Variants in MYO7B observed in about 807,000 individuals in gnomAD.
MYO7B encodes the protein myosin VIIB.
MYO7B carries 212 observed loss-of-function variants against 259.7 expected under a neutral mutation model. The ratio of observed to expected loss-of-function variants is 0.82; its 90% CI spans 0.73 to 0.91. The LOEUF (loss-of-function observed/expected upper bound fraction) is 0.91. Among genes scored for constraint, MYO7B ranks in the 40% least tolerant of loss-of-function variants. The probability of loss-of-function intolerance (pLI) is 0.00; values close to 1 mark genes in which losing one functional copy is unlikely to be tolerated. For synonymous variants in MYO7B, 1,197 were observed against 1,166.4 expected, an observed-to-expected ratio of 1.03 and a Z score of -0.54; for missense variants, 2,732 against 2,813.5, an observed-to-expected ratio of 0.97 and a Z score of 0.66.
chr2:127,605,772 C>T, intron 19 of MYO7B, 72 bp from the exon 20 acceptor site: 2 of 1,354,704 alleles, frequency 1.5e-6, no homozygotes, highest in South Asian at 2.5e-5. Context: ...CCTTCCAAAC[C>T]AGTTTTTCTC....
intron 3 of MYO7B, 64 bp from the exon 4 acceptor site, chr2:127,565,169 G>C: frequency 6.4e-7 from 1 of 1,559,136 alleles, no homozygotes; most frequent in Non-Finnish European, 8.7e-7. Context: ...GGAGGGGAGG[G>C]TGTGGCAGGC....
intron 26 of MYO7B, among the ~76,000 whole-genome samples, chr2:127,616,682 C>T (rs529910121): frequency 6.6e-6 from 1 of 152,232 alleles, no homozygotes; most frequent in Non-Finnish European, 1.5e-5. Context: ...GAGATCCAAT[C>T]CTGCATTTCC....
Position 127,607,519 on chromosome 2 carries a change from C to A in MYO7B, c.2643+95C>A. On this transcript the variant is annotated intron_variant, in intron 21 of 47. Coordinates refer to ENST00000409816, the MANE Select transcript of MYO7B (RefSeq NM_001393586.1). The surrounding 1 kb of genome is among the most constrained non-coding windows in gnomAD (Gnocchi z 4.4). Reference sequence around the variant, plus strand: ...GTGAGCGGCTGTGTAGAGAGCTCACCAGAAGCGCTTTGGAAAATCCCCCCG... The same window carrying A: ...GTGAGCGGCTGTGTAGAGAGCTCACAAGAAGCGCTTTGGAAAATCCCCCCG... The A allele has an allele frequency of 9.0e-7, 1 of 1,110,374 alleles. No individual in the cohort carries two copies. The highest frequency in any genetic ancestry group is 1.3e-6 in the Non-Finnish European group (1 of 785,594). 68.8% of individuals were successfully genotyped at this position (1,110,374 alleles called of 1,614,324 possible). A position where few individuals can be genotyped will look rare whatever the true frequency, so the allele number is the denominator to read the frequency against.
At chr2:127,545,944 G>T (rs570279481) in intron 1 of MYO7B, among the ~76,000 whole-genome samples, 1 of 152,346 alleles carries the variant, frequency 6.6e-6, no homozygotes, top group Non-Finnish European at 1.5e-5. Context: ...CCCAAATTCA[G>T]GGTGTTTGGC....
intron 12 of MYO7B, among the ~76,000 whole-genome samples, chr2:127,583,202 G>A (rs1166751688): frequency 6.6e-6 from 1 of 152,232 alleles, no homozygotes; most frequent in East Asian, 1.9e-4. Context: ...TCTGGGCCCT[G>A]TCTGAGGAGC....
At chr2:127,626,903 A>G in intron 31 of MYO7B, 72 bp from the exon 32 acceptor site, 2 of 1,363,154 alleles carry the variant, frequency 1.5e-6, no homozygotes, top group Non-Finnish European at 2.0e-6. Flanking sequence ...CAACTCTTTT[A>G]CCCTGAGCAC....
chr2:127,578,280 T>C lies in MYO7B; in HGVS notation c.997T>C (p.Phe333Leu), dbSNP rs766590910. ...CATTCTCCACCTGGGGAATGTGGGG[T>C]TCATGGGTAATGCCGGTTCTGCCCC... The part of the protein sequence containing the change: ...AAILHLGNVG[F>L]MASVFENLDA... Residue 333 changes from phenylalanine (F) to leucine (L), a missense_variant, in exon 9 of 48, where the codon TTC becomes CTC. Transcript: ENST00000409816. 15 of 1,611,412 alleles carry C rather than the reference T, an allele frequency of 9.3e-6. No individual in the cohort carries two copies. The Admixed American group carries it at 1.7e-4, about 18-fold the overall frequency.
At position 127,559,479 on chromosome 2, in the gene MYO7B, C is replaced by T. The variant is rs753550099; in HGVS notation, c.-23-221C>T. On this transcript the variant is annotated intron_variant, in intron 1 of 47. Coordinates refer to ENST00000409816, the MANE Select transcript of MYO7B (RefSeq NM_001393586.1). This position sits in a 1 kb window ranked among gnomAD's most constrained non-coding sequence, Gnocchi z 4.1. ...CAAGCCCAGGACTGGGTATGAAATA[C>T]GTCTTCAATAAAGGTGACATAGGAT... Among the ~76,000 whole-genome samples the T allele has an allele frequency of 1.3e-5, 2 of 152,184 alleles. No homozygotes were observed. Among genetic ancestry groups the T allele is most frequent in the South Asian group, 4.1e-4 (2 of 4,828 alleles).
At chr2:127,573,696 C>T (rs895346773) in intron 6 of MYO7B, among the ~76,000 whole-genome samples, 1 of 152,240 alleles carries the variant, frequency 6.6e-6, no homozygotes, top group Non-Finnish European at 1.5e-5. Flanking sequence ...AAGATTTCTG[C>T]GTCTGCAAGC....
chr2:127,602,820 G>A (rs1222299357), intron 19 of MYO7B, among the ~76,000 whole-genome samples: 1 of 152,132 alleles, frequency 6.6e-6, no homozygotes, highest in African/African-American at 2.4e-5. Context: ...GCAACATGGT[G>A]AAACCTCATC....
chr2:127,594,419 C>T (rs1679685739), intron 18 of MYO7B, among the ~76,000 whole-genome samples: 1 of 152,244 alleles, frequency 6.6e-6, no homozygotes, highest in African/African-American at 2.4e-5. Context: ...TGCCCACCTG[C>T]CCTTATGTGT....
At chr2:127,573,893 T>G in intron 6 of MYO7B, 27 bp from the exon 7 acceptor site, 2 of 1,613,790 alleles carry the variant, frequency 1.2e-6, no homozygotes, top group Non-Finnish European at 1.7e-6. Flanking sequence ...TCTGCTCCCA[T>G]CATGGGCATC....
chr2:127,635,624 G>A lies in MYO7B; in HGVS notation c.5821-98G>A. The A allele has an allele frequency of 2.3e-6, 3 of 1,316,222 alleles. No homozygotes were observed. In the South Asian group the frequency reaches 4.3e-5, roughly 19 times the overall value. 81.5% of individuals were successfully genotyped at this position (1,316,222 alleles called of 1,614,324 possible). A position where few individuals can be genotyped will look rare whatever the true frequency, so the allele number is the denominator to read the frequency against. ...TGCTCAGTCCGTCCTGGATGGAGTG[G>A]GCTAAGCCCCAGTTCCCCACCATCT... On this transcript the variant is annotated intron_variant, in intron 43 of 47. Transcript: ENST00000409816.
In MYO7B at chr2:127,625,341, C is replaced by T. The variant is rs760769149; in HGVS notation, c.4048-27C>T. The T allele has an allele frequency of 6.0e-6, 9 of 1,493,078 alleles. No individual in the cohort carries two copies. In the Admixed American group the frequency reaches 6.9e-5, roughly 11 times the overall value. 92.5% of individuals were successfully genotyped at this position (1,493,078 alleles called of 1,614,324 possible). On this transcript the variant is annotated intron_variant, in intron 30 of 47. Transcript: ENST00000409816. ...GGGGAGCTCTCACTTGTCTCACTCG[C>T]CCCCGTGGGTGCCCTGGGCTGTGCA... is the stretch of plus-strand genomic sequence containing the variant.
chr2:127,551,106 A>C (rs930913346), intron 1 of MYO7B, among the ~76,000 whole-genome samples: 4 of 152,016 alleles, frequency 2.6e-5, no homozygotes, highest in Admixed American at 2.0e-4. Flanking sequence ...AAACAATGGA[A>C]AAGTATATTC....
chr2:127,594,899 A>G (rs1172923643), intron 18 of MYO7B, among the ~76,000 whole-genome samples: 10 of 152,150 alleles, frequency 6.6e-5, no homozygotes, highest in African/African-American at 9.7e-5. Context: ...GAATTTTTGC[A>G]TCGATGTTCA....
chr2:127,598,436 T>C (rs907595894), intron 19 of MYO7B, among the ~76,000 whole-genome samples: 12 of 152,214 alleles, frequency 7.9e-5, no homozygotes, highest in East Asian at 1.9e-4. Flanking sequence ...TGTTTTCTAA[T>C]TGGAGTCTTT....
intron 1 of MYO7B, among the ~76,000 whole-genome samples, chr2:127,544,583 T>TC (rs953202844): frequency 1.4e-5 from 2 of 137,990 alleles, no homozygotes; most frequent in African/African-American, 6.3e-5. Flanking sequence ...TAATTTTTTT[T>TC]TTTTTTTTTT....
At chr2:127,571,537 A>T (rs1678628240) in intron 6 of MYO7B, among the ~76,000 whole-genome samples, 1 of 145,752 alleles carries the variant, frequency 6.9e-6, no homozygotes, top group East Asian at 2.1e-4. Flanking sequence ...CTGGAGCACA[A>T]TGGCACGATC....
Sources: allele counts gnomAD v4.1 joint callset (sites outside exome capture counted in the v4.1 genomes callset), GRCh38; gene constraint gnomAD v4.1.1; non-coding constraint Gnocchi (gnomAD v3.1); transcripts MANE v1.5; gene names NCBI Gene and HGNC (gene_info 2026-07-23, HGNC 2026-07-21).